CIB4: variants seen among roughly 807,000 people sequenced by gnomAD.
CIB4 encodes calcium and integrin-binding family member 4.
CIB4 carries 25 observed loss-of-function variants against 25.8 expected under a neutral mutation model. The observed-to-expected ratio is 0.97, with a 90% CI of 0.71 to 1.35. The LOEUF is 1.35. Ranked by LOEUF, CIB4 falls within the 40% of genes most tolerant of loss-of-function variation. CIB4 has a pLI of 0.00. For missense variants in CIB4, 235 were observed against 228.2 expected (o/e 1.03, Z -0.19); for synonymous variants, 75 against 81.4 (o/e 0.92, Z 0.42).
chr2:26,587,666 T>A (rs1204548701), intron 4 of CIB4, among the ~76,000 whole-genome samples: 1 of 152,234 alleles, frequency 6.6e-6, no homozygotes, highest in African/African-American at 2.4e-5. Flanking sequence ...CTAAGATATC[T>A]TAGTATATAT....
intron 3 of CIB4, among the ~76,000 whole-genome samples, chr2:26,612,542 T>TCTCTAAGGG (rs1420524854): frequency 3.9e-5 from 6 of 152,226 alleles, no homozygotes; most frequent in South Asian, 4.2e-4. Context: ...CCAGGGTCCC[T>TCTCTAAGGG]GGTGGCTCGG....
chr2:26,621,843 G>T (rs1359915707), intron 3 of CIB4, among the ~76,000 whole-genome samples: 1 of 152,198 alleles, frequency 6.6e-6, no homozygotes, highest in African/African-American at 2.4e-5. Flanking sequence ...GAGAAATTTT[G>T]CTAGGAAAAG....
intron 2 of CIB4, among the ~76,000 whole-genome samples, chr2:26,633,073 G>C (rs1343431649): frequency 6.6e-6 from 1 of 152,172 alleles, no homozygotes; most frequent in Non-Finnish European, 1.5e-5. Context: ...AGGGACCATT[G>C]TTTCTTTTAC....
intron 3 of CIB4, among the ~76,000 whole-genome samples, chr2:26,621,473 G>A (rs571448198): frequency 6.6e-6 from 1 of 152,122 alleles, no homozygotes; most frequent in Non-Finnish European, 1.5e-5. Context: ...GCTGAGGCAG[G>A]AGAATTACTT....
chr2:26,582,283 G>A (rs539287035), intron 6 of CIB4, among the ~76,000 whole-genome samples: 11 of 152,308 alleles, frequency 7.2e-5, no homozygotes, highest in Admixed American at 3.3e-4. Flanking sequence ...CGCATCTCCC[G>A]AAAGCAGCAG....
At chr2:26,633,173 G>C (rs1259575124) in intron 2 of CIB4, among the ~76,000 whole-genome samples, 1 of 152,206 alleles carries the variant, frequency 6.6e-6, no homozygotes. Context: ...AAACACCAAA[G>C]CTCGTTCCCC....
At chr2:26,628,379 C>T (rs1669348704) in intron 3 of CIB4, among the ~76,000 whole-genome samples, 1 of 152,108 alleles carries the variant, frequency 6.6e-6, no homozygotes, top group African/African-American at 2.4e-5. Context: ...CTCCCAGCCT[C>T]CCCCCACTGC....
intron 6 of CIB4, among the ~76,000 whole-genome samples, chr2:26,582,423 G>C (rs1019632574): frequency 2.0e-5 from 3 of 152,176 alleles, no homozygotes; most frequent in African/African-American, 7.2e-5. Context: ...TTCTCTCATT[G>C]TTTCTTTTCT....
At chr2:26,591,716 G>A (rs1668589535) in intron 4 of CIB4, among the ~76,000 whole-genome samples, 1 of 152,222 alleles carries the variant, frequency 6.6e-6, no homozygotes. Flanking sequence ...CCATCACGCT[G>A]TCTTTTATGA....
At chr2:26,589,104 CT>C (rs1668530683) in intron 4 of CIB4, among the ~76,000 whole-genome samples, 1 of 109,968 alleles carries the variant, frequency 9.1e-6, no homozygotes, top group African/African-American at 4.4e-5. Context: ...TCTTCTTCTT[CT>C]TCCTCTTCTT....
intron 3 of CIB4, among the ~76,000 whole-genome samples, chr2:26,616,595 T>C (rs935565724): frequency 2.0e-5 from 3 of 152,132 alleles, no homozygotes; most frequent in African/African-American, 4.8e-5. Context: ...GGGGCCCTGC[T>C]GTCAGGAGCT....
At chr2:26,583,726 T>C in intron 5 of CIB4, 63 bp downstream of exon 5, 1 of 1,107,730 alleles carries the variant, frequency 9.0e-7, no homozygotes, top group South Asian at 1.3e-5. Context: ...TCCGGGGGCT[T>C]TGGGTGACAA....
rs372546676 is a variant in CIB4, at chr2:26,595,321, T to G, written c.187-4A>C. The G allele has an allele frequency of 3.5e-5, 57 of 1,610,642 alleles. No homozygotes were observed. In the African/African-American group the frequency reaches 6.9e-4, roughly 20 times the overall value. Reference sequence around the variant, plus strand: ...TACGGTCTCTGAAAGGGTTGACCTGTGGGCGACAGGAGGAGCAGGGAGGAG... The same window carrying G: ...TACGGTCTCTGAAAGGGTTGACCTGGGGGCGACAGGAGGAGCAGGGAGGAG... On this transcript the variant is annotated splice_region_variant and splice_polypyrimidine_tract_variant and intron_variant, in intron 3 of 6. Transcript: ENST00000288861.
At position 26,595,687 on chromosome 2, in the gene CIB4, G is replaced by T. The variant is rs968589033; in HGVS notation, c.187-370C>A. On this transcript the variant is annotated intron_variant, in intron 3 of 6. Transcript: ENST00000288861. ...AGCATCCAGGCAGAAATAACAAGAA[G>T]TCCTGCATCAATTTTCTTGTCCTGT... Among the ~76,000 whole-genome samples, 3 of 152,260 alleles carry T rather than the reference G, an allele frequency of 2.0e-5. No individual in the cohort carries two copies. In the South Asian group the frequency reaches 6.2e-4, roughly 31 times the overall value.
At chr2:26,629,221 A>T (rs1160491967) in intron 3 of CIB4, among the ~76,000 whole-genome samples, 189 bp downstream of exon 3, 1 of 152,088 alleles carries the variant, frequency 6.6e-6, no homozygotes, top group Non-Finnish European at 1.5e-5. Flanking sequence ...GGGAGGCCAG[A>T]TGCATGCAGG....
At chr2:26,586,033 C>T (rs1489392172) in intron 4 of CIB4, among the ~76,000 whole-genome samples, 1 of 152,206 alleles carries the variant, frequency 6.6e-6, no homozygotes, top group Non-Finnish European at 1.5e-5. Context: ...GCTCCCCGCA[C>T]TTCCCATGCA....
intron 3 of CIB4, among the ~76,000 whole-genome samples, chr2:26,615,845 G>A (rs1437086854): frequency 6.6e-6 from 1 of 152,248 alleles, no homozygotes; most frequent in Non-Finnish European, 1.5e-5. Context: ...TTGGCTGAAT[G>A]TCTAAATAAG....
intron 3 of CIB4, among the ~76,000 whole-genome samples, chr2:26,620,126 A>G (rs1442084261): frequency 2.1e-5 from 3 of 145,418 alleles, no homozygotes; most frequent in Non-Finnish European, 3.0e-5. Context: ...AGGAAGCAGG[A>G]CCCTAAGCCC....
chr2:26,589,650 C>A (rs1487418777), intron 4 of CIB4, among the ~76,000 whole-genome samples: 1 of 152,204 alleles, frequency 6.6e-6, no homozygotes, highest in Non-Finnish European at 1.5e-5. Context: ...AAAAGCCATT[C>A]TCCTGTCTTT....
Sources: allele counts gnomAD v4.1 joint callset (sites outside exome capture counted in the v4.1 genomes callset), GRCh38; gene constraint gnomAD v4.1.1; transcripts MANE v1.5; gene names NCBI Gene and HGNC (gene_info 2026-07-23, HGNC 2026-07-21).